TRPM3: variants seen among roughly 807,000 people sequenced by gnomAD.
TRPM3 encodes the protein long transient receptor potential channel 3.
In TRPM3, 77 loss-of-function variants were observed where a neutral mutation model predicts 181.2. The ratio of observed to expected loss-of-function variants is 0.42; its 90% CI spans 0.35 to 0.51. The LOEUF (loss-of-function observed/expected upper bound fraction) is 0.51. TRPM3 is among the 20% of genes least tolerant of loss of function. The probability of loss-of-function intolerance (pLI) is 0.01; values close to 1 mark genes in which losing one functional copy is unlikely to be tolerated. For synonymous variants in TRPM3, 745 were observed against 796.4 expected, an observed-to-expected ratio of 0.94 and a Z score of 1.09; for missense variants, 1,759 against 2,196.7, an observed-to-expected ratio of 0.80 and a Z score of 3.98.
intron 1 of TRPM3, among the ~76,000 whole-genome samples, chr9:71,138,755 C>A (rs1488978785): frequency 2.6e-5 from 4 of 152,190 alleles, no homozygotes; most frequent in African/African-American, 7.2e-5. Context: ...TCATATCAGG[C>A]TTCCTTGGGG....
intron 1 of TRPM3, among the ~76,000 whole-genome samples, chr9:71,379,530 C>A (rs931466252): frequency 6.6e-6 from 1 of 151,920 alleles, no homozygotes; most frequent in African/African-American, 2.4e-5. Context: ...TTAATTCTGG[C>A]TACAGATTAG....
intron 1 of TRPM3, among the ~76,000 whole-genome samples, chr9:70,974,192 C>G (rs1290809660): frequency 6.6e-6 from 1 of 152,054 alleles, no homozygotes; most frequent in East Asian, 1.9e-4. Context: ...ACAACAGTTT[C>G]CAGATATAAA....
chr9:71,406,313 T>A (rs1002438021), intron 1 of TRPM3, among the ~76,000 whole-genome samples: 7 of 152,264 alleles, frequency 4.6e-5, no homozygotes, highest in African/African-American at 1.7e-4. Context: ...TCAATACAAA[T>A]ATACTCTATA....
intron 1 of TRPM3, among the ~76,000 whole-genome samples, chr9:70,905,327 T>C (rs1405539704): frequency 6.6e-6 from 1 of 152,218 alleles, no homozygotes; most frequent in East Asian, 1.9e-4. Context: ...TAAAGAAAGC[T>C]GTTCAATTTT....
chr9:70,943,317 T>C lies in TRPM3; in HGVS notation c.178-78806A>G, dbSNP rs573079343. 3.2e-4 allele frequency among the ~76,000 whole-genome samples: 49 copies of C among 152,240 alleles called. 1 individual carries two copies. Among genetic ancestry groups the C allele is most frequent in the African/African-American group, 7.0e-4 (29 of 41,462 alleles). ...AACTCTCAAAACTTGGCTGATTACATATTTATTGAACATAGAATTGAATGT... is the reference window on the plus strand; with the variant it reads ...AACTCTCAAAACTTGGCTGATTACACATTTATTGAACATAGAATTGAATGT... On this transcript the variant is annotated intron_variant, in intron 1 of 25. Coordinates refer to ENST00000677713, the MANE Select transcript of TRPM3 (RefSeq NM_001366145.2).
chr9:71,113,650 T>A (rs977309174), intron 1 of TRPM3, among the ~76,000 whole-genome samples: 1 of 152,128 alleles, frequency 6.6e-6, no homozygotes, highest in Non-Finnish European at 1.5e-5. Context: ...TCCTGCATGA[T>A]CCCTTAAAAA....
rs150197180 is a variant in TRPM3, at chr9:70,924,003, A to C, written c.178-59492T>G. On this transcript the variant is annotated intron_variant, in intron 1 of 25. Coordinates refer to ENST00000677713, the MANE Select transcript of TRPM3 (RefSeq NM_001366145.2). Reference sequence around the variant, plus strand: ...TCTATCTATCTATTTATCTATCTATATATATATATCTTTGTGCTGTTTTCC... The same window carrying C: ...TCTATCTATCTATTTATCTATCTATCTATATATATCTTTGTGCTGTTTTCC... 2.4e-3 allele frequency among the ~76,000 whole-genome samples: 365 copies of C among 151,804 alleles called. 2 individuals are homozygous for C. Among genetic ancestry groups the C allele is most frequent in the African/African-American group, 7.8e-3 (323 of 41,362 alleles).
At chr9:71,388,883 C>T (rs1211726478) in intron 1 of TRPM3, among the ~76,000 whole-genome samples, 2 of 152,092 alleles carry the variant, frequency 1.3e-5, no homozygotes, top group African/African-American at 2.4e-5. Flanking sequence ...TATCTGGGAA[C>T]TTAAACTAAT....
In TRPM3 at chr9:70,902,043, G is replaced by A. The variant is rs377316325; in HGVS notation, c.178-37532C>T. ...GCACTGATGTTCTTTGGTAGTTGGG[G>A]GTGGGGTCACATAGAATGTGAGGGT... On this transcript the variant is annotated intron_variant, in intron 1 of 25. Transcript: ENST00000677713. Among the ~76,000 whole-genome samples the A allele has an allele frequency of 2.8e-3, 420 of 152,288 alleles. 3 individuals are homozygous for A. The highest frequency in any genetic ancestry group is 9.4e-3 in the African/African-American group (392 of 41,556).
chr9:71,420,448 G>T (rs897444415), intron 1 of TRPM3, among the ~76,000 whole-genome samples: 2 of 151,654 alleles, frequency 1.3e-5, no homozygotes, highest in Admixed American at 6.6e-5. Context: ...TTGGCATAAG[G>T]ATTATTTTGA....
chr9:71,255,570 A>G (rs971490023), intron 1 of TRPM3, among the ~76,000 whole-genome samples: 1 of 152,222 alleles, frequency 6.6e-6, no homozygotes, highest in Non-Finnish European at 1.5e-5. Flanking sequence ...TAAGGTAAAA[A>G]AGAGACAAAA....
chr9:70,819,022 T>C (rs1267499923), intron 6 of TRPM3, among the ~76,000 whole-genome samples: 1 of 152,216 alleles, frequency 6.6e-6, no homozygotes, highest in Non-Finnish European at 1.5e-5. Context: ...TACACTTGTA[T>C]AGGCTACCTT....
At chr9:71,033,278 C>T (rs1383172755) in intron 1 of TRPM3, among the ~76,000 whole-genome samples, 4 of 152,186 alleles carry the variant, frequency 2.6e-5, no homozygotes, top group Non-Finnish European at 5.9e-5. Flanking sequence ...AGAGCAAGGT[C>T]CCTGGGACAC....
At chr9:70,644,376 G>T (rs2133650910) in intron 9 of TRPM3, among the ~76,000 whole-genome samples, 1 of 152,230 alleles carries the variant, frequency 6.6e-6, no homozygotes, top group South Asian at 2.1e-4. Context: ...TTTGCTAATT[G>T]GCTGGAGCAA....
Position 70,948,776 on chromosome 9 carries a change from C to T in TRPM3, c.178-84265G>A, listed in dbSNP as rs551004779. 1.6e-4 allele frequency among the ~76,000 whole-genome samples: 25 copies of T among 152,304 alleles called. No individual in the cohort carries two copies. The East Asian group carries it at 3.7e-3, about 22-fold the overall frequency. ...TAGTCTTTAGCTTCCCAAGAACTTA[C>T]AACATGACATTGGACCTGGAGGCTT... On this transcript the variant is annotated intron_variant, in intron 1 of 25. Coordinates refer to ENST00000677713, the MANE Select transcript of TRPM3 (RefSeq NM_001366145.2).
At chr9:70,875,704 G>A (rs1217787971) in intron 1 of TRPM3, among the ~76,000 whole-genome samples, 1 of 151,838 alleles carries the variant, frequency 6.6e-6, no homozygotes, top group Admixed American at 6.6e-5. Flanking sequence ...AGATCATTCA[G>A]GTCAGAATAT....
intron 9 of TRPM3, among the ~76,000 whole-genome samples, chr9:70,655,305 CAAAAAAAAAAAA>C (rs1169901529): frequency 6.0e-5 from 2 of 33,186 alleles, no homozygotes; most frequent in African/African-American, 1.9e-4. Context: ...GACTCCGTCT[CAAAAAAAAAAAA>C]AAAAAAAAAA....
intron 1 of TRPM3, among the ~76,000 whole-genome samples, chr9:71,143,214 T>A (rs1019887859): frequency 3.9e-5 from 6 of 152,030 alleles, no homozygotes; most frequent in African/African-American, 1.4e-4. Flanking sequence ...ACTTTTAAGT[T>A]CAAGAGTACA....
chr9:71,057,460 T>C (rs1231370415), intron 1 of TRPM3, among the ~76,000 whole-genome samples: 1 of 152,080 alleles, frequency 6.6e-6, no homozygotes, highest in African/African-American at 2.4e-5. Context: ...TTTTATTCCT[T>C]GACGCTAGGT....
Sources: allele counts gnomAD v4.1 joint callset (sites outside exome capture counted in the v4.1 genomes callset), GRCh38; gene constraint gnomAD v4.1.1; transcripts MANE v1.5; gene names NCBI Gene and HGNC (gene_info 2026-07-23, HGNC 2026-07-21).